The following UNC5B variants were observed in gnomAD, a reference collection of about 807,000 sequenced individuals.
UNC5B encodes the protein unc-5 netrin receptor B, also known as netrin receptor UNC5B.
In UNC5B, 56 loss-of-function variants were observed where a neutral mutation model predicts 103.7. The ratio of observed to expected loss-of-function variants is 0.54; its 90% CI spans 0.44 to 0.67. The LOEUF is 0.67. Ranked by LOEUF, UNC5B falls within the 30% of genes least tolerant of loss-of-function variation. The probability of loss-of-function intolerance (pLI) is 0.00; values close to 1 mark genes in which losing one functional copy is unlikely to be tolerated. For missense variants in UNC5B, 1,194 were observed against 1,284.5 expected, an observed-to-expected ratio of 0.93 and a Z score of 1.08; for synonymous variants, 577 against 542.0, an observed-to-expected ratio of 1.06 and a Z score of -0.90.
chr10:71,236,522 GGCTGTTAA>G (rs1179032596), intron 1 of UNC5B, among the ~76,000 whole-genome samples: 1 of 152,212 alleles, frequency 6.6e-6, no homozygotes, highest in East Asian at 1.9e-4. Flanking sequence ...GGGAGGAGCT[GGCTGTTAA>G]GCTGTCAGCA....
At position 71,297,838 on chromosome 10, in the gene UNC5B, C is replaced by G; in HGVS notation, c.2491-71C>G. On this transcript the variant is annotated intron_variant, in intron 15 of 16. Transcript: ENST00000335350. Reference sequence around the variant, plus strand: ...CTCAAGGCTCAATGAGCTCACAGTCCAAGGGGAGGGAGGCTGGAGGGCAGA... The same window carrying G: ...CTCAAGGCTCAATGAGCTCACAGTCGAAGGGGAGGGAGGCTGGAGGGCAGA... 3.3e-6 allele frequency: 5 copies of G among 1,505,112 alleles called. No homozygotes were observed. The South Asian group carries it at 6.4e-5, about 19-fold the overall frequency. 93.2% of individuals were successfully genotyped at this position (1,505,112 alleles called of 1,614,324 possible).
intron 3 of UNC5B, 141 bp downstream of exon 3, chr10:71,285,004 G>T: frequency 7.8e-7 from 1 of 1,274,000 alleles, no homozygotes; most frequent in Non-Finnish European, 1.1e-6. Flanking sequence ...CCCAGCACAT[G>T]GATGCCAGCT....
chr10:71,252,887 A>G (rs1027151072), intron 1 of UNC5B, among the ~76,000 whole-genome samples: 1 of 152,088 alleles, frequency 6.6e-6, no homozygotes, highest in African/African-American at 2.4e-5. Context: ...TCCCCAGGAG[A>G]GTAGACGGTG....
chr10:71,226,053 G>A (rs1843557022), intron 1 of UNC5B, among the ~76,000 whole-genome samples: 1 of 152,092 alleles, frequency 6.6e-6, no homozygotes, highest in Admixed American at 6.5e-5. Context: ...CAGATCATAA[G>A]CGTTTTTATT....
chr10:71,236,193 G>A (rs1247144676), intron 1 of UNC5B, among the ~76,000 whole-genome samples: 3 of 152,208 alleles, frequency 2.0e-5, no homozygotes, highest in Non-Finnish European at 1.5e-5. Flanking sequence ...TACAGTAGGT[G>A]CCCCATAAGT....
chr10:71,291,431 G>A lies in UNC5B; in HGVS notation c.1295-1G>A, dbSNP rs766195080. On this transcript the variant is annotated splice_acceptor_variant, in intron 9 of 16. Transcript: ENST00000335350. LOFTEE classifies it high-confidence loss of function. ...TCTGACTATAGCCCCTACTCCTGCAGGCAACCCGCAGCTCCTACACCCCTC... is the reference window on the plus strand; with the variant it reads ...TCTGACTATAGCCCCTACTCCTGCAAGCAACCCGCAGCTCCTACACCCCTC... The A allele has an allele frequency of 1.1e-5, 18 of 1,597,540 alleles. No homozygotes were observed. The highest frequency in any genetic ancestry group is 1.5e-5 in the Non-Finnish European group (17 of 1,171,230).
At position 71,212,931 on chromosome 10, in the gene UNC5B, C is replaced by G; in HGVS notation, c.-55C>G. 4.0e-6 allele frequency: 5 copies of G among 1,234,890 alleles called. No homozygotes were observed. The highest frequency in any genetic ancestry group is 5.1e-6 in the Non-Finnish European group (5 of 982,096). 76.5% of individuals were successfully genotyped at this position (1,234,890 alleles called of 1,614,324 possible). A position where few individuals can be genotyped will look rare whatever the true frequency, so the allele number is the denominator to read the frequency against. ...GGCGGCGGAGACGGCGGCGGCGAGA[C>G]TGGGGCCAGGGAGACAGCCCTGGGG... is the stretch of plus-strand genomic sequence containing the variant. On this transcript the variant is annotated 5_prime_UTR_variant, in exon 1 of 17. Coordinates refer to ENST00000335350, the MANE Select transcript of UNC5B (RefSeq NM_170744.5).
intron 1 of UNC5B, among the ~76,000 whole-genome samples, chr10:71,273,209 A>G (rs1383665016): frequency 6.6e-6 from 1 of 152,212 alleles, no homozygotes; most frequent in African/African-American, 2.4e-5. Flanking sequence ...GTTAAGAAAG[A>G]TATTTGCATC....
intron 1 of UNC5B, among the ~76,000 whole-genome samples, chr10:71,267,430 T>C (rs1286983591): frequency 1.3e-5 from 2 of 152,182 alleles, no homozygotes; most frequent in Non-Finnish European, 2.9e-5. Context: ...AGGAGACAGC[T>C]ACTGAAAGAG....
intron 1 of UNC5B, among the ~76,000 whole-genome samples, chr10:71,268,106 GC>G (rs1164549755): frequency 4.6e-5 from 7 of 152,244 alleles, no homozygotes; most frequent in Non-Finnish European, 7.3e-5. Flanking sequence ...TGGGGACTGA[GC>G]AGGAATCCAA....
chr10:71,292,375 T>G (rs10999763), intron 10 of UNC5B, 92 bp from the exon 11 acceptor site: 1 of 1,120,762 alleles, frequency 8.9e-7, no homozygotes, highest in African/African-American at 1.6e-5. Flanking sequence ...TCAGGAGATA[T>G]CTTTCTCTCC....
chr10:71,252,187 T>A (rs910856883), intron 1 of UNC5B, among the ~76,000 whole-genome samples: 1 of 152,242 alleles, frequency 6.6e-6, no homozygotes, highest in African/African-American at 2.4e-5. Flanking sequence ...TCATTCACAG[T>A]GACTCTAGGC....
chr10:71,294,806 G>A (rs1845364534), intron 13 of UNC5B, among the ~76,000 whole-genome samples: 1 of 152,086 alleles, frequency 6.6e-6, no homozygotes. Flanking sequence ...CCTAGAGCCT[G>A]ATGATGGCAG....
chr10:71,246,623 G>T (rs1304393615), intron 1 of UNC5B, among the ~76,000 whole-genome samples: 4 of 152,150 alleles, frequency 2.6e-5, no homozygotes, highest in Non-Finnish European at 5.9e-5. Context: ...CTGACAGTTG[G>T]ATGGGTGGCT....
At chr10:71,256,753 A>G (rs1402625212) in intron 1 of UNC5B, among the ~76,000 whole-genome samples, 1 of 152,224 alleles carries the variant, frequency 6.6e-6, no homozygotes, top group African/African-American at 2.4e-5. Flanking sequence ...GGGTTTTGAT[A>G]TTCTTAGAAC....
At chr10:71,291,164 T>C in intron 9 of UNC5B, 55 bp downstream of exon 9, 1 of 1,573,910 alleles carries the variant, frequency 6.4e-7, no homozygotes, top group Non-Finnish European at 8.7e-7. Flanking sequence ...CCCAGAGGGC[T>C]CTGGTGGTAC....
Position 71,212,840 on chromosome 10 carries a change from C to T in UNC5B, c.-146C>T. ...GGCCCTCCGCGCAGCGTGGCTTCCG[C>T]TGCCCCCACGGAAGGCACGGGCTGG... On this transcript the variant is annotated 5_prime_UTR_variant, in exon 1 of 17. Coordinates refer to ENST00000335350, the MANE Select transcript of UNC5B (RefSeq NM_170744.5). The T allele has an allele frequency of 1.7e-6, 1 of 584,184 alleles. No homozygotes were observed. The highest frequency in any genetic ancestry group is 2.5e-6 in the Non-Finnish European group (1 of 400,246). The allele number at this position is 584,184 out of a possible 1,614,324, so 36.2% of individuals were successfully genotyped here.
At chr10:71,227,279 C>G (rs1373150982) in intron 1 of UNC5B, among the ~76,000 whole-genome samples, 1 of 152,120 alleles carries the variant, frequency 6.6e-6, no homozygotes, top group African/African-American at 2.4e-5. Context: ...GCCATCGCAC[C>G]CAGCCAGAGA....
At chr10:71,263,339 C>T (rs533308835) in intron 1 of UNC5B, among the ~76,000 whole-genome samples, 2 of 152,344 alleles carry the variant, frequency 1.3e-5, no homozygotes, top group South Asian at 4.1e-4. Context: ...CAAGCCCTCC[C>T]TCCCCAAGCC....
Sources: gnomAD v4.1 joint callset for allele counts (sites outside exome capture counted in the v4.1 genomes callset) on GRCh38, gnomAD v4.1.1 for gene constraint, MANE v1.5 for transcripts, NCBI Gene and HGNC (gene_info 2026-07-23, HGNC 2026-07-21) for gene names.